The following MAP2K1 variants were observed in gnomAD, a reference collection of about 807,000 sequenced individuals.
The protein encoded by MAP2K1 is dual specificity mitogen-activated protein kinase kinase 1.
A neutral mutation model predicts 46.3 loss-of-function variants in MAP2K1; 16 were observed. The ratio of observed to expected loss-of-function variants is 0.35; its 90% confidence interval spans 0.23 to 0.52. The LOEUF is 0.52. Among genes scored for constraint, MAP2K1 ranks in the 20% least tolerant of loss-of-function variants. The probability of loss-of-function intolerance (pLI) is 0.94; values close to 1 mark genes in which losing one functional copy is unlikely to be tolerated. For synonymous variants in MAP2K1, 183 were observed against 185.6 expected (o/e 0.99, Z 0.11); for missense variants, 263 against 497.1 (o/e 0.53, Z 4.48).
intron 5 of MAP2K1, among the ~76,000 whole-genome samples, chr15:66,452,048 A>G (rs1439184531): frequency 1.4e-5 from 1 of 72,882 alleles, no homozygotes; most frequent in African/African-American, 4.9e-5. Context: ...CAAAAAACCA[A>G]ACACCGCATA....
intron 1 of MAP2K1, among the ~76,000 whole-genome samples, chr15:66,400,822 G>A (rs1283376763): frequency 1.3e-5 from 2 of 152,178 alleles, no homozygotes; most frequent in East Asian, 3.9e-4. Context: ...TCTGATGTCA[G>A]GAAGGGAGTC....
chr15:66,477,137 C>G (rs1892771705), intron 5 of MAP2K1, among the ~76,000 whole-genome samples: 1 of 152,220 alleles, frequency 6.6e-6, no homozygotes, highest in Non-Finnish European at 1.5e-5. Flanking sequence ...TCTGCTGCCT[C>G]CTAGGCAGTG....
chr15:66,443,383 C>T lies in MAP2K1; in HGVS notation c.516+26C>T, dbSNP rs765301197. 4 of 1,377,180 alleles carry T rather than the reference C, an allele frequency of 2.9e-6. No homozygotes were observed. In the South Asian group the frequency reaches 3.5e-5, roughly 12 times the overall value. 85.3% of individuals were successfully genotyped at this position (1,377,180 alleles called of 1,614,324 possible). On this transcript the variant is annotated intron_variant, in intron 4 of 10. Coordinates refer to ENST00000307102, the MANE Select transcript of MAP2K1 (RefSeq NM_002755.4). ...GTGAGTATGTTATGAAGTTTTTCTTCTAAGTTCCTCATTGATAAGTTAATG... is the reference window on the plus strand; with the variant it reads ...GTGAGTATGTTATGAAGTTTTTCTTTTAAGTTCCTCATTGATAAGTTAATG...
chr15:66,478,059 C>T (rs1285523812), intron 5 of MAP2K1, among the ~76,000 whole-genome samples: 2 of 151,828 alleles, frequency 1.3e-5, no homozygotes, highest in Non-Finnish European at 2.9e-5. Context: ...AGGGAAAGAA[C>T]AGAGCTCGCC....
intron 5 of MAP2K1, among the ~76,000 whole-genome samples, chr15:66,447,864 ACT>A (rs1443317068): frequency 6.6e-6 from 1 of 151,324 alleles, no homozygotes; most frequent in African/African-American, 2.4e-5. Context: ...CCATGTAACA[ACT>A]CTCACCGGGC....
intron 5 of MAP2K1, among the ~76,000 whole-genome samples, chr15:66,480,052 G>A (rs1023360463): frequency 1.3e-5 from 2 of 150,944 alleles, no homozygotes; most frequent in African/African-American, 4.9e-5. Context: ...TTACAAGCAT[G>A]CGCCACCACG....
intron 5 of MAP2K1, 69 bp from the exon 6 acceptor site, chr15:66,481,686 A>T (rs1291519550): frequency 1.3e-6 from 2 of 1,566,788 alleles, no homozygotes; most frequent in African/African-American, 2.7e-5. Flanking sequence ...TCTGTGTGGA[A>T]TGCTGATCCT....
At chr15:66,480,157 C>T (rs779120834) in intron 5 of MAP2K1, among the ~76,000 whole-genome samples, 6 of 151,966 alleles carry the variant, frequency 3.9e-5, no homozygotes, top group African/African-American at 9.7e-5. Flanking sequence ...GGCATGATGT[C>T]GGCTCACCAC....
At chr15:66,410,925 C>G (rs933818599) in intron 1 of MAP2K1, among the ~76,000 whole-genome samples, 1 of 152,194 alleles carries the variant, frequency 6.6e-6, no homozygotes, top group Non-Finnish European at 1.5e-5. Context: ...GATGTCCCAT[C>G]TCCCGCCCAG....
chr15:66,438,757 C>G (rs762928383), intron 3 of MAP2K1, among the ~76,000 whole-genome samples: 31 of 152,146 alleles, frequency 2.0e-4, no homozygotes, highest in Non-Finnish European at 1.2e-4. Flanking sequence ...GAAAATGTTT[C>G]AAGGGCCAAG....
At chr15:66,425,795 A>G (rs948761418) in intron 1 of MAP2K1, among the ~76,000 whole-genome samples, 1 of 152,300 alleles carries the variant, frequency 6.6e-6, no homozygotes, top group Non-Finnish European at 1.5e-5. Context: ...TATTTTGTTC[A>G]CTTACAATTC....
rs73471746 is a variant in MAP2K1 at position 66,484,842 on chromosome 15, G to C, written c.694-148G>C. ...CTAGGATTTGGTAAACACAGTGTTGGGGGTAGGCAGGAGGCCAAATTCAAG... is the reference window on the plus strand; with the variant it reads ...CTAGGATTTGGTAAACACAGTGTTGCGGGTAGGCAGGAGGCCAAATTCAAG... On this transcript the variant is annotated intron_variant, in intron 6 of 10. Coordinates refer to ENST00000307102, the MANE Select transcript of MAP2K1 (RefSeq NM_002755.4). The C allele has an allele frequency of 2.2e-3, 1,665 of 768,728 alleles. 18 individuals carry two copies. Among genetic ancestry groups the C allele is most frequent in the African/African-American group, 0.012 (734 of 59,236 alleles). 47.6% of individuals were successfully genotyped at this position (768,728 alleles called of 1,614,324 possible).
chr15:66,443,249 T>G (rs2140597617), intron 3 of MAP2K1, 31 bp from the exon 4 acceptor site: 1 of 1,355,122 alleles, frequency 7.4e-7, no homozygotes, highest in Admixed American at 1.7e-5. Context: ...TAGAACATTG[T>G]CACTAACTGG....
At chr15:66,436,254 C>G (rs1359463968) in intron 2 of MAP2K1, among the ~76,000 whole-genome samples, 1 of 152,142 alleles carries the variant, frequency 6.6e-6, no homozygotes, top group Admixed American at 6.5e-5. Flanking sequence ...TTTAATGTGA[C>G]TGTCACTTGT....
In MAP2K1 at chr15:66,491,365, A is replaced by T. The variant is rs186510658; in HGVS notation, c.*750A>T. 8.6e-6 allele frequency: 2 copies of T among 233,086 alleles called. No individual in the cohort carries two copies. The highest frequency in any genetic ancestry group is 1.2e-4 in the East Asian group (2 of 16,236). 14.4% of individuals were successfully genotyped at this position (233,086 alleles called of 1,614,324 possible). On this transcript the variant is annotated 3_prime_UTR_variant, in exon 11 of 11. Coordinates refer to ENST00000307102, the MANE Select transcript of MAP2K1 (RefSeq NM_002755.4). ...TTTTGAATGTCACAAATTGATCAAG[A>T]TATTAAAATGTCGGATTTATCTTTC...
chr15:66,408,418 C>T (rs891086604), intron 1 of MAP2K1, among the ~76,000 whole-genome samples: 2 of 152,198 alleles, frequency 1.3e-5, no homozygotes, highest in Non-Finnish European at 2.9e-5. Context: ...CACAGTACAT[C>T]CCAATATAGA....
Position 66,465,956 on chromosome 15 carries a change from GC to G in MAP2K1, c.569-15797del, listed in dbSNP as rs773525327. 2.4e-4 allele frequency among the ~76,000 whole-genome samples: 36 copies of G among 152,244 alleles called. 1 individual carries two copies. The highest frequency in any genetic ancestry group is 3.4e-3 in the Middle Eastern group (1 of 294). On this transcript the variant is annotated intron_variant, in intron 5 of 10. Coordinates refer to ENST00000307102, the MANE Select transcript of MAP2K1 (RefSeq NM_002755.4). ...TAAGACTTTTTTAAAGCTGAGCCCA[GC>G]CATGGATTTGTACCATCAAATACAT...
intron 5 of MAP2K1, among the ~76,000 whole-genome samples, chr15:66,470,496 G>A (rs968595824): frequency 1.3e-4 from 20 of 152,136 alleles, no homozygotes; most frequent in African/African-American, 1.4e-4. Flanking sequence ...CCATTGTCAC[G>A]GAAGCAGGAA....
chr15:66,469,099 T>C (rs183624854), intron 5 of MAP2K1, among the ~76,000 whole-genome samples: 363 of 150,842 alleles, frequency 2.4e-3, no homozygotes, highest in Non-Finnish European at 4.3e-3. Context: ...CTACTAAAAA[T>C]ACAAAAATTA....
Sources: gnomAD v4.1 joint callset for allele counts (sites outside exome capture counted in the v4.1 genomes callset) on GRCh38, gnomAD v4.1.1 for gene constraint, MANE v1.5 for transcripts, NCBI Gene and HGNC (gene_info 2026-07-23, HGNC 2026-07-21) for gene names.